CLPB: variants seen among roughly 807,000 people sequenced by gnomAD.
The protein encoded by CLPB is ClpB family mitochondrial disaggregase, also known as mitochondrial disaggregase.
Under a neutral mutation model 78.4 loss-of-function variants are expected in CLPB, and 40 were observed. That is an observed-to-expected ratio of 0.51 (90% CI 0.40 to 0.66). The LOEUF (loss-of-function observed/expected upper bound fraction) is 0.66. Ranked by LOEUF, CLPB falls within the 30% of genes least tolerant of loss-of-function variation. The pLI is 0.00. For synonymous variants in CLPB, 333 were observed against 348.0 expected (o/e 0.96, Z 0.48); for missense variants, 780 against 886.9 (o/e 0.88, Z 1.53).
At chr11:72,371,137 T>A (rs1729050798) in intron 4 of CLPB, among the ~76,000 whole-genome samples, 1 of 152,028 alleles carries the variant, frequency 6.6e-6, no homozygotes, top group South Asian at 2.1e-4. Context: ...GATCATGGCT[T>A]ACTGCAGCCT....
chr11:72,348,161 TAAG>T (rs560930511), intron 5 of CLPB, among the ~76,000 whole-genome samples: 2 of 152,296 alleles, frequency 1.3e-5, no homozygotes, highest in African/African-American at 4.8e-5. Flanking sequence ...GGATGATACA[TAAG>T]AAGAGTTAGG....
chr11:72,318,795 C>T (rs1949995213), intron 6 of CLPB, among the ~76,000 whole-genome samples: 1 of 152,226 alleles, frequency 6.6e-6, no homozygotes, highest in African/African-American at 2.4e-5. Context: ...AGTGGAGTGA[C>T]ACTTGCCGGT....
At chr11:72,308,781 C>T (rs1342289292) in intron 7 of CLPB, among the ~76,000 whole-genome samples, 177 bp from the exon 8 acceptor site, 1 of 152,290 alleles carries the variant, frequency 6.6e-6, no homozygotes, top group Non-Finnish European at 1.5e-5. Flanking sequence ...CCTAGAGACA[C>T]GTAATCAGGT....
chr11:72,347,274 C>T (rs1337246745), intron 5 of CLPB, among the ~76,000 whole-genome samples: 1 of 152,122 alleles, frequency 6.6e-6, no homozygotes, highest in Admixed American at 6.5e-5. Context: ...CTGGGCAACA[C>T]AGCAAGACTC....
At chr11:72,385,416 T>A (rs1332951585) in intron 3 of CLPB, among the ~76,000 whole-genome samples, 1 of 152,232 alleles carries the variant, frequency 6.6e-6, no homozygotes, top group Non-Finnish European at 1.5e-5. Context: ...ACATATAACA[T>A]CTTTCCAGTT....
At position 72,378,596 on chromosome 11, in the gene CLPB, A is replaced by T. The variant is rs567987778; in HGVS notation, c.646+1685T>A. ...TTCTGGGAGATAAATTCAAGTTGAG[A>T]TTTGAATAGGGATACAGCCAAACCA... On this transcript the variant is annotated intron_variant, in intron 4 of 15. Coordinates refer to ENST00000538039, the MANE Select transcript of CLPB (RefSeq NM_001258392.3). 4.5e-4 allele frequency among the ~76,000 whole-genome samples: 68 copies of T among 152,280 alleles called. 1 individual carries two copies. The South Asian group carries it at 0.011, about 25-fold the overall frequency.
intron 2 of CLPB, among the ~76,000 whole-genome samples, chr11:72,420,693 CCA>C (rs1460385332): frequency 6.6e-6 from 1 of 152,136 alleles, no homozygotes; most frequent in Non-Finnish European, 1.5e-5. Context: ...CTATGGGAAT[CCA>C]CAGATACTGG....
chr11:72,302,101 G>C, intron 10 of CLPB, 137 bp from the exon 11 acceptor site: 1 of 1,046,828 alleles, frequency 9.6e-7, no homozygotes, highest in East Asian at 2.5e-5. Context: ...TCCATCTCCT[G>C]GTGTGGCAGA....
intron 5 of CLPB, among the ~76,000 whole-genome samples, chr11:72,341,118 C>G (rs1330282350): frequency 6.6e-6 from 1 of 152,188 alleles, no homozygotes; most frequent in Non-Finnish European, 1.5e-5. Flanking sequence ...CCGCGCCTGG[C>G]AAGTTATTTT....
At chr11:72,314,264 C>T (rs1239331245) in intron 7 of CLPB, among the ~76,000 whole-genome samples, 7 of 152,146 alleles carry the variant, frequency 4.6e-5, no homozygotes, top group Non-Finnish European at 7.3e-5. Context: ...GACGGAAGCT[C>T]GGGACAGGTT....
At chr11:72,386,887 A>G (rs901126300) in intron 3 of CLPB, among the ~76,000 whole-genome samples, 3 of 152,334 alleles carry the variant, frequency 2.0e-5, no homozygotes, top group Admixed American at 6.5e-5. Context: ...CTCAGTTTAT[A>G]CACAATTTGG....
intron 5 of CLPB, among the ~76,000 whole-genome samples, chr11:72,342,594 G>A (rs956809049): frequency 2.6e-5 from 4 of 152,166 alleles, no homozygotes; most frequent in African/African-American, 9.7e-5. Context: ...AGGTTCTATG[G>A]CCAGAGAGCA....
At chr11:72,357,881 A>G (rs1252786502) in intron 5 of CLPB, among the ~76,000 whole-genome samples, 1 of 152,048 alleles carries the variant, frequency 6.6e-6, no homozygotes, top group Non-Finnish European at 1.5e-5. Flanking sequence ...CTCAGGTTCT[A>G]TGAAGAATGA....
intron 4 of CLPB, among the ~76,000 whole-genome samples, chr11:72,359,994 T>C (rs777682078): frequency 6.6e-6 from 1 of 152,220 alleles, no homozygotes; most frequent in Non-Finnish European, 1.5e-5. Context: ...GGTTTTCTTC[T>C]GCTGTTATAG....
chr11:72,422,139 C>A (rs544862956), intron 2 of CLPB, among the ~76,000 whole-genome samples: 4 of 151,886 alleles, frequency 2.6e-5, no homozygotes, highest in African/African-American at 9.7e-5. Flanking sequence ...TGGTGGCGGG[C>A]GCCTGTAGTC....
intron 7 of CLPB, among the ~76,000 whole-genome samples, chr11:72,310,336 A>G (rs1340196117): frequency 6.6e-6 from 1 of 152,202 alleles, no homozygotes; most frequent in Non-Finnish European, 1.5e-5. Context: ...CCTGAGAAAA[A>G]GCTCAGTATA....
chr11:72,352,315 T>G (rs997377535), intron 5 of CLPB: 25 of 152,228 alleles, frequency 1.6e-4, no homozygotes, highest in Admixed American at 1.4e-3. Flanking sequence ...ATCCTAGTCC[T>G]CCTCTAAATC....
chr11:72,385,374 TATAG>T (rs1855044382), intron 3 of CLPB, among the ~76,000 whole-genome samples: 1 of 152,126 alleles, frequency 6.6e-6, no homozygotes, highest in Admixed American at 6.5e-5. Flanking sequence ...AACCAGAAAA[TATAG>T]ATAACCAAAA....
At chr11:72,389,705 C>G (rs976935983) in intron 3 of CLPB, among the ~76,000 whole-genome samples, 2 of 152,092 alleles carry the variant, frequency 1.3e-5, no homozygotes, top group African/African-American at 4.8e-5. Flanking sequence ...GAAGGAGGAT[C>G]ATTTGAGCCC....
Sources: gnomAD v4.1 joint callset for allele counts (sites outside exome capture counted in the v4.1 genomes callset) on GRCh38, gnomAD v4.1.1 for gene constraint, MANE v1.5 for transcripts, NCBI Gene and HGNC (gene_info 2026-07-23, HGNC 2026-07-21) for gene names.